TRAF5: variants seen among roughly 807,000 people sequenced by gnomAD.
TRAF5 encodes TNF receptor-associated factor 5.
In TRAF5, 48 loss-of-function variants were observed where a neutral mutation model predicts 64.5. The ratio of observed to expected loss-of-function variants is 0.74; its 90% CI spans 0.59 to 0.95. The LOEUF is 0.95. TRAF5 is among the 40% of genes least tolerant of loss of function. TRAF5 has a pLI of 0.00. For synonymous variants in TRAF5, 206 were observed against 240.5 expected, an observed-to-expected ratio of 0.86 and a Z score of 1.33; for missense variants, 545 against 662.8, an observed-to-expected ratio of 0.82 and a Z score of 1.95.
intron 5 of TRAF5, 47 bp from the exon 6 acceptor site, chr1:211,360,655 G>A (rs1201687478): frequency 1.4e-6 from 2 of 1,458,622 alleles, no homozygotes; most frequent in Non-Finnish European, 9.6e-7. Flanking sequence ...ATCACTGTGA[G>A]GCCATGAAAG....
chr1:211,372,094 T>C, intron 10 of TRAF5, 34 bp from the exon 11 acceptor site: 1 of 1,477,582 alleles, frequency 6.8e-7, no homozygotes, highest in Non-Finnish European at 9.0e-7. Context: ...TTTAGGCCTA[T>C]GGAATCTTTT....
intron 8 of TRAF5, chr1:211,369,007 A>T (rs1237058670): frequency 6.6e-6 from 1 of 152,488 alleles, no homozygotes; most frequent in Non-Finnish European, 1.5e-5. Flanking sequence ...TGGTAGTTTT[A>T]TTTTGTTTTA....
rs530851470 is a variant in TRAF5 at position 211,345,373 on chromosome 1, C to CT, written c.-1-7857dup. On this transcript the variant is annotated intron_variant, in intron 1 of 10. Transcript: ENST00000261464. ...GCCAGCCCTGCGCTCCCCCCCCCTC[C>CT]TTTTTTTTTGCTTCCTGGTAGTAAC... 3.5e-3 allele frequency among the ~76,000 whole-genome samples: 527 copies of CT among 150,870 alleles called. 5 individuals are homozygous for CT. The highest frequency in any genetic ancestry group is 0.012 in the African/African-American group (476 of 41,166).
chr1:211,359,240 G>A (rs756716746), intron 4 of TRAF5: 2 of 152,152 alleles, frequency 1.3e-5, no homozygotes, highest in Non-Finnish European at 2.9e-5. Flanking sequence ...ACAAGCATGA[G>A]CCACCACACG....
chr1:211,353,446 C>G lies in TRAF5; in HGVS notation c.207C>G (p.Ile69Met), dbSNP rs1189551920. 1.2e-6 allele frequency: 2 copies of G among 1,613,054 alleles called. No homozygotes were observed. The highest frequency in any genetic ancestry group is 1.7e-6 in the Non-Finnish European group (2 of 1,179,902). The stretch of plus-strand genomic sequence containing the variant: ...GGCACCGCTTCTGCCAGCACTGCAT[C>G]CTGTCCCTGAGGTGAGTGGGCAGGG... Reference protein sequence around the residue: ...GCGHRFCQHCILSLRELNTVP... With the variant: ...GCGHRFCQHCMLSLRELNTVP... The change falls in exon 2 of 11, where the codon ATC becomes ATG. Residue 69 changes from isoleucine to methionine, a missense_variant. Transcript: ENST00000261464.
intron 1 of TRAF5, chr1:211,346,475 G>T (rs1403687454): frequency 2.0e-6 from 2 of 979,226 alleles, no homozygotes; most frequent in Non-Finnish European, 2.4e-6. Context: ...TTTTCACTCT[G>T]GGATTTTATC....
In TRAF5 at chr1:211,372,315, C is replaced by T; in HGVS notation, c.1287C>T (p.Phe429=). The change falls in exon 11 of 11, where the codon TTC becomes TTT. Residue 429 remains phenylalanine, a synonymous_variant. Coordinates refer to ENST00000261464, the MANE Select transcript of TRAF5 (RefSeq NM_001033910.3). ...EAVDGHTVSI[F]SQSFYTSRCG... ...TGGATGGGCACACAGTGTCCATCTT[C>T]AGCCAGTCCTTCTACACCAGCCGCT... 1 of 1,614,102 alleles carries T rather than the reference C, an allele frequency of 6.2e-7. No individual in the cohort carries two copies. The highest frequency in any genetic ancestry group is 2.2e-5 in the East Asian group (1 of 44,878).
chr1:211,336,351 C>T (rs1163847014), intron 1 of TRAF5, among the ~76,000 whole-genome samples: 3 of 152,204 alleles, frequency 2.0e-5, no homozygotes, highest in Non-Finnish European at 4.4e-5. Context: ...GGCTAGCTCA[C>T]ATTAGTGTGT....
At chr1:211,328,970 C>G (rs1702090749) in intron 1 of TRAF5, among the ~76,000 whole-genome samples, 1 of 152,136 alleles carries the variant, frequency 6.6e-6, no homozygotes, top group Non-Finnish European at 1.5e-5. Context: ...GTCTTGTTCC[C>G]CTGCTCCAGG....
At chr1:211,361,198 T>G in intron 7 of TRAF5, 36 bp downstream of exon 7, 1 of 1,567,072 alleles carries the variant, frequency 6.4e-7, no homozygotes, top group Non-Finnish European at 8.8e-7. Flanking sequence ...CTATACATTC[T>G]ACTGTATAAT....
chr1:211,340,985 C>T (rs1702434124), intron 1 of TRAF5, among the ~76,000 whole-genome samples: 1 of 152,214 alleles, frequency 6.6e-6, no homozygotes, highest in Non-Finnish European at 1.5e-5. Context: ...CAGTGAGCCA[C>T]CGCGCCTGGC....
chr1:211,327,564 T>C (rs1024657863), intron 1 of TRAF5, among the ~76,000 whole-genome samples: 4 of 151,748 alleles, frequency 2.6e-5, no homozygotes, highest in African/African-American at 7.3e-5. Context: ...GATTCTGAGT[T>C]CTCCGTACCA....
In TRAF5 at chr1:211,359,908, G is replaced by A; in HGVS notation, c.379-4G>A. ...TCCCACTGGCCTGTTGTTATCTGTT[G>A]CAGGATCACCTTCAGCAGTGCTTAT... On this transcript the variant is annotated splice_region_variant and splice_polypyrimidine_tract_variant and intron_variant, in intron 4 of 10. Transcript: ENST00000261464. The A allele has an allele frequency of 1.2e-6, 2 of 1,613,834 alleles. No individual in the cohort carries two copies.
Position 211,361,088 on chromosome 1 carries a change from G to A in TRAF5, c.622G>A (p.Val208Ile), listed in dbSNP as rs1299439866. ...TAGCTTGTGACTATCCATTTCGTAG[G>A]TAGATGAACACCTGGCTGTATGTCC... ...NCAKIILKTE[V>I]DEHLAVCPEA... The change falls in exon 7 of 11, where the codon GTA becomes ATA. Residue 208 changes from valine to isoleucine, a missense_variant and splice_region_variant. Physicochemically the swap from Val to Ile is conservative, Grantham distance 29. Coordinates refer to ENST00000261464, the MANE Select transcript of TRAF5 (RefSeq NM_001033910.3). The A allele has an allele frequency of 4.3e-6, 7 of 1,613,962 alleles. No homozygotes were observed. The highest frequency in any genetic ancestry group is 5.9e-6 in the Non-Finnish European group (7 of 1,179,916).
rs1468437666 is a variant in TRAF5, at chr1:211,373,246, C to T, written c.*544C>T. Reference sequence around the variant, plus strand: ...TAAATATATGAAAATTACTATACCTCTAAGTATTTTCATGAAATTCACCAG... The same window carrying T: ...TAAATATATGAAAATTACTATACCTTTAAGTATTTTCATGAAATTCACCAG... On this transcript the variant is annotated 3_prime_UTR_variant, in exon 11 of 11. Transcript: ENST00000261464. The T allele has an allele frequency of 6.6e-6, 1 of 152,216 alleles. No homozygotes were observed. Among genetic ancestry groups the T allele is most frequent in the African/African-American group, 2.4e-5 (1 of 41,402 alleles). 9.4% of individuals were successfully genotyped at this position (152,216 alleles called of 1,614,324 possible).
chr1:211,371,050 G>A (rs1013311405), intron 9 of TRAF5, among the ~76,000 whole-genome samples: 1 of 152,146 alleles, frequency 6.6e-6, no homozygotes, highest in African/African-American at 2.4e-5. Flanking sequence ...GAAACAGAGG[G>A]AGGATAAAAA....
chr1:211,338,822 A>G (rs1022376555), intron 1 of TRAF5, among the ~76,000 whole-genome samples: 5 of 152,116 alleles, frequency 3.3e-5, no homozygotes, highest in African/African-American at 1.2e-4. Flanking sequence ...ACAGGGTTTC[A>G]CCATGTTGCC....
intron 2 of TRAF5, 119 bp from the exon 3 acceptor site, chr1:211,354,291 T>G: frequency 3.7e-6 from 3 of 815,974 alleles, no homozygotes; most frequent in Admixed American, 2.4e-5. Context: ...GGGAACAGCA[T>G]GTGCAGACAG....
At chr1:211,356,624 CTGTAGCCCACCTACGGCTGAGG>C (rs1351341197) in intron 4 of TRAF5, 156 bp downstream of exon 4, 1 of 630,528 alleles carries the variant, frequency 1.6e-6, no homozygotes, top group African/African-American at 1.8e-5. Flanking sequence ...GGCTACAGTG[CTGTAGCCCACCTACGGCTGAGG>C]TGTGAGTGAA....
Sources: allele counts gnomAD v4.1 joint callset (sites outside exome capture counted in the v4.1 genomes callset), GRCh38; gene constraint gnomAD v4.1.1; transcripts MANE v1.5; gene names NCBI Gene and HGNC (gene_info 2026-07-23, HGNC 2026-07-21).